The following AUTS2 variants were observed in gnomAD, a reference collection of about 807,000 sequenced individuals.
AUTS2 encodes autism susceptibility gene 2 protein.
Under a neutral mutation model 112.4 loss-of-function variants are expected in AUTS2, and 17 were observed. The observed-to-expected ratio is 0.15, with a 90% CI of 0.10 to 0.23. The LOEUF is 0.23. Ranked by LOEUF, AUTS2 falls within the 10% of genes least tolerant of loss-of-function variation. The pLI, the probability that AUTS2 is intolerant of heterozygous loss-of-function variation, is 1.00. For missense variants in AUTS2, 1,510 were observed against 1,701.6 expected, an observed-to-expected ratio of 0.89 and a Z score of 1.98; for synonymous variants, 751 against 702.7, an observed-to-expected ratio of 1.07 and a Z score of -1.09.
intron 4 of AUTS2, among the ~76,000 whole-genome samples, chr7:70,311,399 A>G (rs1443366181): frequency 1.3e-5 from 2 of 152,158 alleles, no homozygotes; most frequent in East Asian, 3.8e-4. Flanking sequence ...GATGTCACAC[A>G]TTCATTATTG....
At chr7:70,039,598 C>T (rs1272665991) in intron 2 of AUTS2, among the ~76,000 whole-genome samples, 2 of 152,154 alleles carry the variant, frequency 1.3e-5, no homozygotes, top group South Asian at 2.1e-4. Context: ...TGATCCCTGC[C>T]TTGGCCTTCC....
chr7:70,083,719 G>C (rs1359049371), intron 2 of AUTS2, among the ~76,000 whole-genome samples: 1 of 152,130 alleles, frequency 6.6e-6, no homozygotes, highest in African/African-American at 2.4e-5. Context: ...GGCTGAGGAA[G>C]CAGAATCACT....
chr7:70,066,990 A>G (rs1449343592), intron 2 of AUTS2, among the ~76,000 whole-genome samples: 3 of 152,230 alleles, frequency 2.0e-5, no homozygotes. Context: ...TATCGAAGTC[A>G]ATGCACAGTC....
chr7:70,066,748 C>A (rs1563076361), intron 2 of AUTS2, among the ~76,000 whole-genome samples: 1 of 152,134 alleles, frequency 6.6e-6, no homozygotes, highest in Non-Finnish European at 1.5e-5. Context: ...CTATGTTGGC[C>A]AGGCTGGTCT....
chr7:70,580,353 G>A (rs1406966955), intron 5 of AUTS2, among the ~76,000 whole-genome samples: 2 of 152,184 alleles, frequency 1.3e-5, no homozygotes, highest in African/African-American at 2.4e-5. Context: ...CCAGGAGGCT[G>A]CTTCCTGCCG....
intron 2 of AUTS2, among the ~76,000 whole-genome samples, chr7:69,938,820 A>G (rs1021371105): frequency 3.3e-5 from 5 of 152,192 alleles, no homozygotes; most frequent in Admixed American, 3.3e-4. Context: ...GTAGGTGAGT[A>G]AGACAGAAAT....
At chr7:69,720,485 G>T (rs1265699436) in intron 1 of AUTS2, among the ~76,000 whole-genome samples, 1 of 152,130 alleles carries the variant, frequency 6.6e-6, no homozygotes, top group Non-Finnish European at 1.5e-5. Flanking sequence ...GATGAAATAG[G>T]AGAGCTTGCC....
chr7:69,729,419 A>AC (rs796181771), intron 1 of AUTS2, among the ~76,000 whole-genome samples: 8,824 of 60,426 alleles, frequency 0.15, 356 homozygotes, highest in Middle Eastern at 0.27. Context: ...GTCCCCCAAC[A>AC]CCCCCCCCCC....
At chr7:69,996,755 C>T (rs1798959687) in intron 2 of AUTS2, among the ~76,000 whole-genome samples, 1 of 151,850 alleles carries the variant, frequency 6.6e-6, no homozygotes, top group African/African-American at 2.4e-5. Context: ...AAATACTCCC[C>T]TGCTATATTT....
intron 18 of AUTS2, among the ~76,000 whole-genome samples, chr7:70,789,415 T>TTGAC (rs1372835376): frequency 6.6e-6 from 1 of 152,226 alleles, no homozygotes; most frequent in Non-Finnish European, 1.5e-5. Context: ...CATTGCCTTA[T>TTGAC]TGACCACATG....
At chr7:70,781,570 C>T (rs1330840841) in intron 14 of AUTS2, 45 bp from the exon 15 acceptor site, 2 of 1,607,070 alleles carry the variant, frequency 1.2e-6, no homozygotes, top group Non-Finnish European at 1.7e-6. Flanking sequence ...ACCTTTATTC[C>T]TTGCTGTTGG....
chr7:70,315,742 C>T (rs547183328), intron 4 of AUTS2, among the ~76,000 whole-genome samples: 136 of 152,274 alleles, frequency 8.9e-4, no homozygotes, highest in Non-Finnish European at 1.5e-3. Flanking sequence ...CCCTCATATC[C>T]GGTCGACAAT....
chr7:70,131,420 C>T (rs1806264957), intron 3 of AUTS2, among the ~76,000 whole-genome samples: 1 of 152,134 alleles, frequency 6.6e-6, no homozygotes, highest in South Asian at 2.1e-4. Flanking sequence ...AAGGAAGAGT[C>T]TTGTGAAATT....
At chr7:70,153,832 T>C (rs1302061606) in intron 4 of AUTS2, among the ~76,000 whole-genome samples, 1 of 152,216 alleles carries the variant, frequency 6.6e-6, no homozygotes, top group Non-Finnish European at 1.5e-5. Context: ...ATGATTGGGC[T>C]TTATAAGGCA....
intron 4 of AUTS2, among the ~76,000 whole-genome samples, chr7:70,311,804 C>T (rs746704375): frequency 2.0e-5 from 3 of 152,124 alleles, no homozygotes; most frequent in Non-Finnish European, 4.4e-5. Flanking sequence ...GCAAGCTCCG[C>T]CTCCCGGGTT....
At chr7:69,700,837 T>A (rs1797772645) in intron 1 of AUTS2, among the ~76,000 whole-genome samples, 2 of 152,288 alleles carry the variant, frequency 1.3e-5, no homozygotes, top group Admixed American at 1.3e-4. Context: ...CACATGCTAA[T>A]TGAGAGGATG....
At chr7:70,407,911 A>G (rs1436298700) in intron 4 of AUTS2, among the ~76,000 whole-genome samples, 5 of 151,960 alleles carry the variant, frequency 3.3e-5, no homozygotes, top group African/African-American at 1.2e-4. Flanking sequence ...AAAATTAGCC[A>G]GGCGTGGTGG....
Position 70,621,838 on chromosome 7 carries a change from CTTTTTTTTTT to C in AUTS2, c.691-76713_691-76704del, listed in dbSNP as rs67123941. On this transcript the variant is annotated intron_variant, in intron 5 of 18. Coordinates refer to ENST00000342771, the MANE Select transcript of AUTS2 (RefSeq NM_015570.4). ...GCTTACGTTAGTGCATAGTCATTCT[CTTTTTTTTTT>C]TTTTTTTTTTTTTTTTTGGAGAAAT... 2.2e-4 allele frequency among the ~76,000 whole-genome samples: 15 copies of C among 66,818 alleles called. 1 individual carries two copies. Among genetic ancestry groups the C allele is most frequent in the South Asian group, 7.9e-4 (1 of 1,266 alleles). 43.8% of individuals were successfully genotyped at this position (66,818 alleles called of 152,430 possible).
intron 6 of AUTS2, among the ~76,000 whole-genome samples, chr7:70,727,072 G>T (rs537892202): frequency 6.6e-6 from 1 of 152,304 alleles, no homozygotes; most frequent in East Asian, 1.9e-4. Flanking sequence ...ATTAGTGAAG[G>T]CTGGGTATTA....
Sources: allele counts gnomAD v4.1 joint callset (sites outside exome capture counted in the v4.1 genomes callset), GRCh38; gene constraint gnomAD v4.1.1; transcripts MANE v1.5; gene names NCBI Gene and HGNC (gene_info 2026-07-23, HGNC 2026-07-21).